Variants in MDM2 observed in about 807,000 individuals in gnomAD.
MDM2 encodes MDM2 proto-oncogene, also known as E3 ubiquitin-protein ligase Mdm2.
Under a neutral mutation model 64.3 loss-of-function variants are expected in MDM2, and 11 were observed. That is an observed-to-expected ratio of 0.17 (90% CI 0.11 to 0.28). The LOEUF is 0.28. Among genes scored for constraint, MDM2 ranks in the 10% least tolerant of loss-of-function variants. The pLI, the probability that MDM2 is intolerant of heterozygous loss-of-function variation, is 1.00. For missense variants in MDM2, 388 were observed against 577.1 expected, an observed-to-expected ratio of 0.67 and a Z score of 3.36; for synonymous variants, 194 against 192.9, an observed-to-expected ratio of 1.01 and a Z score of -0.05.
chr12:68,816,260 G>T (rs1160576263), intron 3 of MDM2, among the ~76,000 whole-genome samples: 1 of 148,768 alleles, frequency 6.7e-6, no homozygotes, highest in African/African-American at 2.5e-5. Flanking sequence ...CAGAGTTAAA[G>T]TCTACAAGGA....
intron 3 of MDM2, chr12:68,814,689 G>T (rs542471908): frequency 1.9e-5 from 5 of 266,396 alleles, no homozygotes; most frequent in South Asian, 3.4e-5. Flanking sequence ...CTGGGATAGA[G>T]GTGAGCTGAT....
At position 68,836,624 on chromosome 12, in the gene MDM2, T is replaced by C. The variant is rs1293225705; in HGVS notation, c.841-48T>C. ...ACTTATTACTAGGAAGCCTTCTGAT[T>C]GAAGGAAATAGGGCGATGAATTGAT... On this transcript the variant is annotated intron_variant, in intron 9 of 10. Coordinates refer to ENST00000258149, the MANE Select transcript of MDM2 (RefSeq NM_002392.6). The C allele has an allele frequency of 2.3e-6, 3 of 1,308,120 alleles. No homozygotes were observed. In the East Asian group the frequency reaches 6.9e-5, roughly 30 times the overall value. 81.0% of individuals were successfully genotyped at this position (1,308,120 alleles called of 1,614,324 possible).
intron 5 of MDM2, among the ~76,000 whole-genome samples, chr12:68,822,893 A>G: frequency 6.6e-6 from 1 of 151,984 alleles, no homozygotes; most frequent in African/African-American, 2.4e-5. Context: ...GGTGCCTGCC[A>G]CCACGTCCGG....
At chr12:68,832,864 T>C (rs907561745) in intron 8 of MDM2, among the ~76,000 whole-genome samples, 16 of 151,604 alleles carry the variant, frequency 1.1e-4, no homozygotes, top group Non-Finnish European at 2.2e-4. Flanking sequence ...CAGTGGCTCA[T>C]GCTTGTAATC....
At chr12:68,824,116 C>T (rs1167956084) in intron 5 of MDM2, 2 of 442,142 alleles carry the variant, frequency 4.5e-6, no homozygotes, top group Non-Finnish European at 7.9e-6. Flanking sequence ...TCCTGTCTCT[C>T]TGCTAATTTA....
rs999798679 is a variant in MDM2, at chr12:68,835,909, T to C, written c.765T>C (p.Phe255=). Residue 255 remains phenylalanine, a synonymous_variant, in exon 9 of 11, where the codon TTT becomes TTC. Transcript: ENST00000258149. ...TTTCAGATCAGTTTAGTGTAGAATT[T>C]GAAGTTGAATCTCTCGACTCAGAAG... ...DSVSDQFSVE[F]EVESLDSEDY... is the part of the protein sequence containing the mutation. The C allele has an allele frequency of 5.0e-6, 8 of 1,613,854 alleles. No homozygotes were observed. The South Asian group carries it at 6.6e-5, about 13-fold the overall frequency.
At chr12:68,835,655 G>A (rs1327157870) in intron 8 of MDM2, among the ~76,000 whole-genome samples, 174 bp from the exon 9 acceptor site, 1 of 152,186 alleles carries the variant, frequency 6.6e-6, no homozygotes, top group Non-Finnish European at 1.5e-5. Flanking sequence ...TGGCTGGGGG[G>A]CCTAGTCTTC....
intron 8 of MDM2, among the ~76,000 whole-genome samples, chr12:68,835,460 G>A (rs556068485): frequency 3.3e-5 from 5 of 152,282 alleles, no homozygotes; most frequent in African/African-American, 9.6e-5. Flanking sequence ...GAAGACAGAC[G>A]AAGATGTTAA....
In MDM2 at chr12:68,842,462, T is replaced by C. The variant is rs920975440; in HGVS notation, c.*2613T>C. The C allele has an allele frequency of 1.0e-4, 42 of 418,680 alleles. No individual in the cohort carries two copies. Among genetic ancestry groups the C allele is most frequent in the African/African-American group, 8.4e-4 (41 of 48,590 alleles). The allele number at this position is 418,680 out of a possible 1,614,324, so 25.9% of individuals were successfully genotyped here. The stretch of plus-strand genomic sequence containing the variant: ...TTGGAGACTTAGAACCTCTAAATTA[T>C]TGACTTATTTTTTATATAAGGTCAC... On this transcript the variant is annotated 3_prime_UTR_variant, in exon 11 of 11. Transcript: ENST00000258149.
At position 68,841,621 on chromosome 12, in the gene MDM2, T is replaced by C. The variant is rs1301802588; in HGVS notation, c.*1772T>C. 4.7e-6 allele frequency: 1 copy of C among 211,436 alleles called. No individual in the cohort carries two copies. Among genetic ancestry groups the C allele is most frequent in the Non-Finnish European group, 9.6e-6 (1 of 104,576 alleles). The allele number at this position is 211,436 out of a possible 1,614,324, so 13.1% of individuals were successfully genotyped here. A position where few individuals can be genotyped will look rare whatever the true frequency, so the allele number is the denominator to read the frequency against. ...GTTTCCCCCTAAGTTGAAAAACAAC[T>C]CTAAGACACTTTAAAGTACCTTCTT... is the stretch of plus-strand genomic sequence containing the variant. On this transcript the variant is annotated 3_prime_UTR_variant, in exon 11 of 11. Transcript: ENST00000258149.
chr12:68,813,359 T>G (rs1360524934), intron 2 of MDM2, among the ~76,000 whole-genome samples, 195 bp from the exon 3 acceptor site: 1 of 152,208 alleles, frequency 6.6e-6, no homozygotes, highest in Non-Finnish European at 1.5e-5. Context: ...AAAAGTAATC[T>G]TTGCTCTTTT....
At chr12:68,830,598 G>GA (rs1882714919) in intron 8 of MDM2, among the ~76,000 whole-genome samples, 1 of 152,092 alleles carries the variant, frequency 6.6e-6, no homozygotes, top group Non-Finnish European at 1.5e-5. Context: ...AAATCCAGTG[G>GA]AAAAAATAGG....
Position 68,840,176 on chromosome 12 carries a change from G to T in MDM2, c.*327G>T. The T allele has an allele frequency of 4.0e-6, 1 of 249,890 alleles. No individual in the cohort carries two copies. The highest frequency in any genetic ancestry group is 7.7e-5 in the South Asian group (1 of 13,038). 15.5% of individuals were successfully genotyped at this position (249,890 alleles called of 1,614,324 possible). A position where few individuals can be genotyped will look rare whatever the true frequency, so the allele number is the denominator to read the frequency against. ...ATTATTTTTTTTGAGACCGAGTCTT[G>T]CTCTGTTACCCAGGCTGGAGTGCAG... On this transcript the variant is annotated 3_prime_UTR_variant, in exon 11 of 11. Coordinates refer to ENST00000258149, the MANE Select transcript of MDM2 (RefSeq NM_002392.6).
In MDM2 at chr12:68,839,413, T is replaced by C; in HGVS notation, c.1058T>C (p.Leu353Pro). Reference sequence around the variant, plus strand: ...GGGGAAATCTCTGAGAAAGCCAAACTGGAAAACTCAACACAAGCTGAAGAG... The same window carrying C: ...GGGGAAATCTCTGAGAAAGCCAAACCGGAAAACTCAACACAAGCTGAAGAG... ...DKGEISEKAK[L>P]ENSTQAEEGF... is the part of the protein sequence containing the mutation. Residue 353 changes from leucine to proline, a missense_variant, in exon 11 of 11, where the codon CTG becomes CCG. Physicochemically the swap from Leu to Pro is moderately conservative, Grantham distance 98. Coordinates refer to ENST00000258149, the MANE Select transcript of MDM2 (RefSeq NM_002392.6). The C allele has an allele frequency of 6.2e-7, 1 of 1,613,820 alleles. No individual in the cohort carries two copies. Among genetic ancestry groups the C allele is most frequent in the Non-Finnish European group, 8.5e-7 (1 of 1,180,006 alleles).
downstream of MDM2, chr12:68,850,380 T>A (rs1351866365): frequency 1.3e-5 from 2 of 152,132 alleles, no homozygotes; most frequent in Non-Finnish European, 2.9e-5. Flanking sequence ...AATGAAATTC[T>A]CTTGAAAACA....
At chr12:68,829,205 A>G (rs1882597157) in intron 8 of MDM2, among the ~76,000 whole-genome samples, 1 of 152,224 alleles carries the variant, frequency 6.6e-6, no homozygotes, top group African/African-American at 2.4e-5. Context: ...ATTAGAGAAT[A>G]TTTGTGGACC....
intron 8 of MDM2, among the ~76,000 whole-genome samples, chr12:68,830,915 G>A (rs1371467143): frequency 6.6e-6 from 1 of 152,130 alleles, no homozygotes; most frequent in African/African-American, 2.4e-5. Context: ...TGGCCAGGCT[G>A]GTCTTGAGCT....
rs866393916 is a variant in MDM2 at position 68,808,233 on chromosome 12, T to G, written c.-245T>G. ...GCTGCTTCTGGGGCCTGTGTGGCCC[T>G]GTGTGTCGGAAAGATGGAGCAAGAA... is the stretch of plus-strand genomic sequence containing the variant. On this transcript the variant is annotated 5_prime_UTR_variant, in exon 1 of 11. Coordinates refer to ENST00000258149, the MANE Select transcript of MDM2 (RefSeq NM_002392.6). 17 of 580,554 alleles carry G rather than the reference T, an allele frequency of 2.9e-5. No homozygotes were observed. In the South Asian group the frequency reaches 3.4e-4, roughly 12 times the overall value. The allele number at this position is 580,554 out of a possible 1,614,324, so 36.0% of individuals were successfully genotyped here. A position where few individuals can be genotyped will look rare whatever the true frequency, so the allele number is the denominator to read the frequency against.
chr12:68,811,385 TATC>T (rs1409720537), intron 2 of MDM2, among the ~76,000 whole-genome samples: 1 of 152,184 alleles, frequency 6.6e-6, no homozygotes, highest in Non-Finnish European at 1.5e-5. Flanking sequence ...TTGAATTTCA[TATC>T]ATGCTTTGGA....
Sources: gnomAD v4.1 joint callset for allele counts (sites outside exome capture counted in the v4.1 genomes callset) on GRCh38, gnomAD v4.1.1 for gene constraint, MANE v1.5 for transcripts, NCBI Gene and HGNC (gene_info 2026-07-23, HGNC 2026-07-21) for gene names.